The following SPEF2 variants were observed in gnomAD, a reference collection of about 807,000 sequenced individuals.
SPEF2 encodes sperm flagella and cilia-associated protein 2.
Under a neutral mutation model 224.6 loss-of-function variants are expected in SPEF2, and 187 were observed. The ratio of observed to expected loss-of-function variants is 0.83; its 90% CI spans 0.74 to 0.94. The LOEUF (loss-of-function observed/expected upper bound fraction) is 0.94. Ranked by LOEUF, SPEF2 falls within the 40% of genes least tolerant of loss-of-function variation. SPEF2 has a pLI of 0.00. For synonymous variants in SPEF2, 715 were observed against 707.3 expected (o/e 1.01, Z -0.17); for missense variants, 2,170 against 2,135.6 (o/e 1.02, Z -0.32).
chr5:35,658,932 C>A (rs1028028283), intron 7 of SPEF2, 87 bp from the exon 8 acceptor site: 5 of 1,010,564 alleles, frequency 4.9e-6, no homozygotes, highest in East Asian at 2.8e-5. Context: ...AACATTATGC[C>A]TTTTGTATAT....
chr5:35,781,673 G>A (rs1011250155), intron 30 of SPEF2: 3 of 138,924 alleles, frequency 2.2e-5, no homozygotes, highest in South Asian at 2.6e-4. Context: ...AATACGGTAG[G>A]ATTTGGGGAT....
chr5:35,743,106 T>C (rs1382792718), intron 23 of SPEF2, among the ~76,000 whole-genome samples: 1 of 151,468 alleles, frequency 6.6e-6, no homozygotes, highest in African/African-American at 2.4e-5. Context: ...ATATATTATA[T>C]GTGGATATTT....
At chr5:35,735,690 G>T (rs1362418155) in intron 21 of SPEF2, among the ~76,000 whole-genome samples, 3 of 152,176 alleles carry the variant, frequency 2.0e-5, no homozygotes, top group Non-Finnish European at 4.4e-5. Flanking sequence ...AGTACAGCAA[G>T]AATATACTAA....
intron 9 of SPEF2, among the ~76,000 whole-genome samples, chr5:35,669,032 G>A (rs1750884992): frequency 1.3e-5 from 2 of 151,952 alleles, no homozygotes; most frequent in South Asian, 2.1e-4. Context: ...TTTTAAACAG[G>A]AAACGTTGTT....
At chr5:35,759,806 C>T (rs866540971) in intron 25 of SPEF2, 87 bp downstream of exon 25, 7 of 1,250,172 alleles carry the variant, frequency 5.6e-6, no homozygotes, top group Middle Eastern at 4.3e-4. Flanking sequence ...AAAAATCACA[C>T]TCCTTTATCT....
At chr5:35,792,087 A>T (rs1419222534) in intron 30 of SPEF2, among the ~76,000 whole-genome samples, 2 of 152,090 alleles carry the variant, frequency 1.3e-5, no homozygotes, top group African/African-American at 2.4e-5. Flanking sequence ...CAGTTTTATA[A>T]TTTTACTCAA....
intron 1 of SPEF2, among the ~76,000 whole-genome samples, chr5:35,624,740 A>T (rs1183080294): frequency 6.6e-6 from 1 of 152,020 alleles, no homozygotes; most frequent in Non-Finnish European, 1.5e-5. Flanking sequence ...GGGTTCAAGC[A>T]ATTCCCCTGC....
chr5:35,644,630 A>G (rs571319081), intron 4 of SPEF2, 105 bp downstream of exon 4: 17 of 842,574 alleles, frequency 2.0e-5, no homozygotes, highest in Admixed American at 3.6e-5. Context: ...CACAAGTTGC[A>G]CTTCCCTGAT....
intron 23 of SPEF2, among the ~76,000 whole-genome samples, chr5:35,753,057 G>A (rs895808508): frequency 2.7e-5 from 4 of 150,838 alleles, no homozygotes; most frequent in African/African-American, 9.7e-5. Context: ...AAATTATTAT[G>A]TTTATATTTA....
intron 24 of SPEF2, among the ~76,000 whole-genome samples, chr5:35,755,911 A>C (rs1231688659): frequency 1.3e-5 from 2 of 152,112 alleles, no homozygotes; most frequent in Non-Finnish European, 2.9e-5. Context: ...CACCCAGCCT[A>C]CTGTAAGTTC....
intron 2 of SPEF2, among the ~76,000 whole-genome samples, chr5:35,635,834 T>C: frequency 6.6e-6 from 1 of 152,228 alleles, no homozygotes; most frequent in Non-Finnish European, 1.5e-5. Context: ...GCACTGGCAG[T>C]GTGCTGCACT....
chr5:35,670,791 A>G (rs1751136387), intron 10 of SPEF2: 1 of 981,936 alleles, frequency 1.0e-6, no homozygotes, highest in South Asian at 4.7e-5. Context: ...ATTGCCAACT[A>G]CTAACTGTGT....
chr5:35,775,066 T>C (rs923109345), intron 28 of SPEF2, among the ~76,000 whole-genome samples: 4 of 152,214 alleles, frequency 2.6e-5, no homozygotes, highest in Non-Finnish European at 5.9e-5. Flanking sequence ...CCTGTGATAG[T>C]TGCTGGAGAC....
At position 35,781,805 on chromosome 5, in the gene SPEF2, C is replaced by T. The variant is rs545468303; in HGVS notation, c.4447+2459C>T. 3 of 152,154 alleles carry T rather than the reference C, an allele frequency of 2.0e-5. No homozygotes were observed. In the South Asian group the frequency reaches 6.3e-4, roughly 32 times the overall value. The allele number at this position is 152,154 out of a possible 1,614,324, so 9.4% of individuals were successfully genotyped here. A position where few individuals can be genotyped will look rare whatever the true frequency, so the allele number is the denominator to read the frequency against. On this transcript the variant is annotated intron_variant, in intron 30 of 36. Coordinates refer to ENST00000356031, the MANE Select transcript of SPEF2 (RefSeq NM_024867.4). The stretch of plus-strand genomic sequence containing the variant: ...TGCATATATTGCTTTTTAGGTATAT[C>T]TAAAATAATTAATAAGTGTTGGGAA...
intron 30 of SPEF2, 68 bp downstream of exon 30, chr5:35,779,414 T>A (rs1230639077): frequency 8.2e-7 from 1 of 1,218,212 alleles, no homozygotes; most frequent in East Asian, 2.4e-5. Context: ...AGAAATCACT[T>A]GCCAACAAGT....
chr5:35,710,093 A>C, intron 19 of SPEF2: 1 of 985,302 alleles, frequency 1.0e-6, no homozygotes, highest in African/African-American at 1.7e-5. Context: ...GGAAATTAGA[A>C]ATTAACTACA....
rs765835640 is a variant in SPEF2, at chr5:35,789,232, T to G, written c.4448-3108T>G. Reference sequence around the variant, plus strand: ...TGGAGTCCCTTCTCCAAGCTGACATTGTTAAATTTGCCCACTTCTTGTTGG... The same window carrying G: ...TGGAGTCCCTTCTCCAAGCTGACATGGTTAAATTTGCCCACTTCTTGTTGG... On this transcript the variant is annotated intron_variant, in intron 30 of 36. Transcript: ENST00000356031. The G allele has an allele frequency of 4.3e-6, 3 of 703,000 alleles. No individual in the cohort carries two copies. In the South Asian group the frequency reaches 4.4e-5, roughly 10 times the overall value. The allele number at this position is 703,000 out of a possible 1,614,324, so 43.5% of individuals were successfully genotyped here.
rs190817048 is a variant in SPEF2 at position 35,692,294 on chromosome 5, C to T, written c.1745-276C>T. Reference sequence around the variant, plus strand: ...GGTGTGGTGGCATGCACCTGTAATCCCAGCTACTCAGGAGGCTGAGGCAGT... The same window carrying T: ...GGTGTGGTGGCATGCACCTGTAATCTCAGCTACTCAGGAGGCTGAGGCAGT... On this transcript the variant is annotated intron_variant, in intron 11 of 36. Coordinates refer to ENST00000356031, the MANE Select transcript of SPEF2 (RefSeq NM_024867.4). 9.0e-3 allele frequency among the ~76,000 whole-genome samples: 1,365 copies of T among 152,092 alleles called. 17 individuals carry two copies. Among genetic ancestry groups the T allele is most frequent in the African/African-American group, 0.032 (1,328 of 41,530 alleles).
intron 34 of SPEF2, among the ~76,000 whole-genome samples, chr5:35,805,698 A>G (rs1757968245): frequency 1.3e-5 from 2 of 152,168 alleles, no homozygotes; most frequent in Admixed American, 6.6e-5. Context: ...AGCAAAGGAA[A>G]TTGTCTATTC....
Sources: allele counts gnomAD v4.1 joint callset (sites outside exome capture counted in the v4.1 genomes callset), GRCh38; gene constraint gnomAD v4.1.1; transcripts MANE v1.5; gene names NCBI Gene and HGNC (gene_info 2026-07-23, HGNC 2026-07-21).